Variants in TENM1 observed in about 807,000 individuals in gnomAD.
TENM1 encodes teneurin transmembrane protein 1, also known as teneurin-1.
In TENM1, 35 loss-of-function variants were observed where a neutral mutation model predicts 174.8. The observed-to-expected ratio is 0.20, with a 90% CI of 0.15 to 0.27. The LOEUF (loss-of-function observed/expected upper bound fraction) is 0.27. TENM1 is among the 10% of genes least tolerant of loss of function. The pLI is 1.00. For missense variants in TENM1, 1,633 were observed against 2,130.1 expected, an observed-to-expected ratio of 0.77 and a Z score of 4.59; for synonymous variants, 781 against 798.7, an observed-to-expected ratio of 0.98 and a Z score of 0.37.
chrX:124,871,742 G>A (rs1357669590), intron 3 of TENM1, among the ~76,000 whole-genome samples: 3 of 111,199 alleles, frequency 2.7e-5, no homozygotes, highest in Non-Finnish European at 3.8e-5. Flanking sequence ...GAGCACTGGT[G>A]TACACCAAAT....
chrX:124,899,058 T>C (rs2057612315), intron 1 of TENM1, among the ~76,000 whole-genome samples: 1 of 111,672 alleles, frequency 9.0e-6, no homozygotes, highest in Admixed American at 9.5e-5. Context: ...TCATTTCCTT[T>C]TCTTGAAATC....
chrX:124,831,200 C>T (rs2056281351), intron 3 of TENM1, among the ~76,000 whole-genome samples: 1 of 111,226 alleles, frequency 9.0e-6, no homozygotes, highest in African/African-American at 3.3e-5. Context: ...TAAATTTCTT[C>T]TCAGGGCTCA....
intron 3 of TENM1, among the ~76,000 whole-genome samples, chrX:124,761,522 A>T (rs1397544263): frequency 1.3e-5 from 1 of 79,821 alleles, no homozygotes. Context: ...AGCGGGGAAC[A>T]TCACACACTG....
intron 8 of TENM1, 33 bp downstream of exon 11, chrX:124,651,881 T>A (rs777068800): frequency 4.2e-6 from 5 of 1,194,065 alleles, no homozygotes; most frequent in African/African-American, 1.8e-5. Flanking sequence ...AGGGTTGAAC[T>A]GTCAATTCAA....
chrX:124,807,359 G>A (rs944411657), intron 3 of TENM1, among the ~76,000 whole-genome samples: 2 of 112,148 alleles, frequency 1.8e-5, no homozygotes, highest in African/African-American at 6.5e-5. Context: ...CTGTCCTTTA[G>A]TAATGAATGA....
At chrX:125,045,078 TCCTGTCTTA>T in the TENM1 span, among the ~76,000 whole-genome samples, 2 of 111,376 alleles carry the variant, frequency 1.8e-5, no homozygotes, top group South Asian at 7.6e-4. Flanking sequence ...AGGGAAGCAG[TCCTGTCTTA>T]CCTGGTGCCA....
chrX:124,757,203 G>A (rs765497540), intron 3 of TENM1, among the ~76,000 whole-genome samples: 116 of 112,561 alleles, frequency 1.0e-3, no homozygotes, highest in African/African-American at 2.4e-3. Context: ...AATGGCAGGC[G>A]CCCCTCCCCC....
At position 124,647,739 on chromosome X, in the gene TENM1, GTGTGTGTGTGTGTGTT is replaced by G. The variant is rs1397968786; in HGVS notation, c.1580-945_1580-930del. ...AGGGATTTTTTTTTGTGGTGTGTGT[GTGTGTGTGTGTGTGTT>G]TGTGTGTGTGTGTGTTATCGTCTCC... On this transcript the variant is annotated intron_variant, in intron 8 of 31. Transcript: ENST00000422452. Among the ~76,000 whole-genome samples the G allele has an allele frequency of 1.0e-4, 11 of 109,511 alleles. 1 individual carries two copies. In the South Asian group the frequency reaches 2.7e-3, roughly 27 times the overall value.
intron 27 of TENM1, among the ~76,000 whole-genome samples, chrX:124,398,416 C>G (rs945531062): frequency 9.1e-6 from 1 of 109,950 alleles, no homozygotes; most frequent in Non-Finnish European, 1.9e-5. Flanking sequence ...CACAGAGATG[C>G]CTACCAATGA....
intron 4 of TENM1, among the ~76,000 whole-genome samples, chrX:124,727,236 T>C (rs2053461602): frequency 8.9e-6 from 1 of 112,361 alleles, no homozygotes. Flanking sequence ...CAACACCAGG[T>C]TTTCTCTAGT....
At chrX:124,633,712 G>A (rs1263325236) in intron 11 of TENM1, among the ~76,000 whole-genome samples, 5 of 110,251 alleles carry the variant, frequency 4.5e-5, no homozygotes, top group African/African-American at 1.6e-4. Context: ...CTTTCATTTG[G>A]GCCAAAAAAG....
At chrX:124,581,459 T>C (rs1325254589) in intron 11 of TENM1, among the ~76,000 whole-genome samples, 2 of 110,444 alleles carry the variant, frequency 1.8e-5, no homozygotes, top group East Asian at 2.8e-4. Flanking sequence ...ATCTAAGTGA[T>C]CTCAAGTCTC....
the TENM1 span, among the ~76,000 whole-genome samples, chrX:125,064,697 C>T: frequency 1.8e-5 from 2 of 110,779 alleles, no homozygotes; most frequent in Non-Finnish European, 3.8e-5. Flanking sequence ...AGCTCCGCCT[C>T]CTGGGTTCAT....
intron 3 of TENM1, among the ~76,000 whole-genome samples, chrX:124,819,114 C>T (rs1391830727): frequency 9.0e-6 from 1 of 111,588 alleles, no homozygotes. Context: ...AAAGTTCAAC[C>T]ACAAATTTCA....
At chrX:124,734,560 C>G (rs2053630788) in intron 4 of TENM1, among the ~76,000 whole-genome samples, 2 of 111,927 alleles carry the variant, frequency 1.8e-5, no homozygotes, top group Admixed American at 1.9e-4. Context: ...ATATTTTTCT[C>G]TTGGAATGTA....
chrX:124,874,369 T>G, intron 3 of TENM1, among the ~76,000 whole-genome samples: 1 of 111,123 alleles, frequency 9.0e-6, no homozygotes, highest in Non-Finnish European at 1.9e-5. Context: ...TTAAACATTT[T>G]TTTTCATATG....
chrX:124,525,647 T>C (rs2047958325), intron 16 of TENM1, among the ~76,000 whole-genome samples: 1 of 112,496 alleles, frequency 8.9e-6, no homozygotes, highest in Non-Finnish European at 1.9e-5. Flanking sequence ...CTGGAAAGAT[T>C]ACACAGACAG....
At chrX:125,091,545 T>G in the TENM1 span, among the ~76,000 whole-genome samples, 1 of 111,523 alleles carries the variant, frequency 9.0e-6, no homozygotes, top group Non-Finnish European at 1.9e-5. Flanking sequence ...AGCTGATTCA[T>G]GGGGGTATAA....
chrX:124,942,532 A>G (rs775733590), intron 1 of TENM1, among the ~76,000 whole-genome samples: 1 of 112,188 alleles, frequency 8.9e-6, no homozygotes, highest in African/African-American at 3.2e-5. Context: ...TTAACCAAGT[A>G]AAGTAGAAGT....
Sources: gnomAD v4.1 joint callset for allele counts (sites outside exome capture counted in the v4.1 genomes callset) on GRCh38, gnomAD v4.1.1 for gene constraint, MANE v1.5 for transcripts, NCBI Gene and HGNC (gene_info 2026-07-23, HGNC 2026-07-21) for gene names.